CRACR2A: variants seen among roughly 807,000 people sequenced by gnomAD.
CRACR2A encodes calcium release activated channel regulator 2A, also known as EF-hand calcium-binding domain-containing protein 4B.
CRACR2A carries 79 observed loss-of-function variants against 90.5 expected under a neutral mutation model. The observed-to-expected ratio is 0.87, with a 90% CI of 0.73 to 1.05. The LOEUF is 1.05. Among genes scored for constraint, CRACR2A ranks in the 50% least tolerant of loss-of-function variants. The pLI is 0.00. For synonymous variants in CRACR2A, 338 were observed against 356.7 expected, an observed-to-expected ratio of 0.95 and a Z score of 0.59; for missense variants, 823 against 897.2, an observed-to-expected ratio of 0.92 and a Z score of 1.06.
At chr12:3,653,250 G>T (rs1298973085) in intron 10 of CRACR2A, among the ~76,000 whole-genome samples, 1 of 152,044 alleles carries the variant, frequency 6.6e-6, no homozygotes, top group Non-Finnish European at 1.5e-5. Flanking sequence ...CAAAGTGCTG[G>T]GATTACAGGC....
intron 3 of CRACR2A, among the ~76,000 whole-genome samples, chr12:3,707,344 T>C (rs1055029081): frequency 1.3e-5 from 2 of 152,248 alleles, no homozygotes; most frequent in African/African-American, 4.8e-5. Flanking sequence ...ACAACTATCA[T>C]TAAACAGCCC....
intron 15 of CRACR2A, 101 bp from the exon 16 acceptor site, chr12:3,627,807 C>A: frequency 8.2e-7 from 1 of 1,217,272 alleles, no homozygotes; most frequent in South Asian, 1.3e-5. Flanking sequence ...ACATCAGGCC[C>A]AAGGTGACAA....
chr12:3,648,761 T>G, intron 10 of CRACR2A, 148 bp from the exon 11 acceptor site: 1 of 1,135,678 alleles, frequency 8.8e-7, no homozygotes, highest in Non-Finnish European at 1.2e-6. Context: ...TCCTACAGTA[T>G]GCAAGTGCTT....
chr12:3,683,857 C>T (rs1441835342), intron 4 of CRACR2A, among the ~76,000 whole-genome samples: 1 of 152,220 alleles, frequency 6.6e-6, no homozygotes, highest in African/African-American at 2.4e-5. Context: ...CTCCTATGTA[C>T]AGAGTGCTGG....
chr12:3,691,849 A>T (rs942635185), intron 4 of CRACR2A, among the ~76,000 whole-genome samples: 1 of 152,140 alleles, frequency 6.6e-6, no homozygotes, highest in Admixed American at 6.5e-5. Flanking sequence ...ATTGATTCTC[A>T]TTCTTTTTTC....
intron 4 of CRACR2A, among the ~76,000 whole-genome samples, chr12:3,686,963 A>G (rs1256094023): frequency 1.3e-5 from 2 of 152,210 alleles, no homozygotes; most frequent in East Asian, 3.9e-4. Context: ...GGGTTTCTCC[A>G]GGTTTCTCAG....
At chr12:3,650,118 C>T (rs10848900) in intron 10 of CRACR2A, among the ~76,000 whole-genome samples, 49,319 of 152,010 alleles carry the variant, frequency 0.32, 9,151 homozygotes, top group Admixed American at 0.46. Context: ...GGGAGCATCT[C>T]GCAAGTTGAT....
At chr12:3,723,739 C>A (rs1476815077) in intron 2 of CRACR2A, among the ~76,000 whole-genome samples, 1 of 152,108 alleles carries the variant, frequency 6.6e-6, no homozygotes, top group Admixed American at 6.6e-5. Context: ...CCTGGAATGA[C>A]CTCCACCAGG....
At chr12:3,618,417 T>A (rs1347804695) in intron 18 of CRACR2A, among the ~76,000 whole-genome samples, 4 of 152,158 alleles carry the variant, frequency 2.6e-5, no homozygotes, top group Admixed American at 2.6e-4. Context: ...CTGGTCAGAT[T>A]TTTCTGCCAG....
intron 8 of CRACR2A, among the ~76,000 whole-genome samples, 173 bp downstream of exon 8, chr12:3,659,391 C>T (rs1160257215): frequency 6.6e-6 from 1 of 151,972 alleles, no homozygotes; most frequent in Admixed American, 6.6e-5. Context: ...TAAAAATAAA[C>T]AAGGATATTA....
chr12:3,686,102 G>T (rs928780013), intron 4 of CRACR2A, among the ~76,000 whole-genome samples: 1 of 152,202 alleles, frequency 6.6e-6, no homozygotes, highest in Non-Finnish European at 1.5e-5. Context: ...GCCTAGAGGG[G>T]TTAAGAGACA....
intron 3 of CRACR2A, among the ~76,000 whole-genome samples, chr12:3,702,372 C>G (rs1258927027): frequency 1.3e-5 from 2 of 151,980 alleles, no homozygotes; most frequent in Admixed American, 6.5e-5. Flanking sequence ...TGTCTTTATT[C>G]CCAGACAGCA....
chr12:3,643,667 A>T (rs1282343376), intron 12 of CRACR2A, among the ~76,000 whole-genome samples: 1 of 147,780 alleles, frequency 6.8e-6, no homozygotes, highest in Admixed American at 7.0e-5. Context: ...TAAATATAGG[A>T]TTTCATGTCG....
intron 17 of CRACR2A, among the ~76,000 whole-genome samples, chr12:3,622,305 A>G (rs1017355908): frequency 2.0e-5 from 3 of 152,052 alleles, no homozygotes; most frequent in African/African-American, 7.2e-5. Flanking sequence ...CAGGCACACA[A>G]TCTCTCTTTA....
chr12:3,640,785 T>C, intron 13 of CRACR2A: 1 of 1,305,426 alleles, frequency 7.7e-7, no homozygotes, highest in South Asian at 1.2e-5. Context: ...GCCATCTATG[T>C]GGACACAGCA....
chr12:3,697,595 C>T (rs1279342705), intron 3 of CRACR2A, among the ~76,000 whole-genome samples: 1 of 152,186 alleles, frequency 6.6e-6, no homozygotes, highest in Non-Finnish European at 1.5e-5. Flanking sequence ...TCAGTCCCAC[C>T]CTGTCCTGAC....
chr12:3,635,489 G>A (rs1158489583), intron 14 of CRACR2A, among the ~76,000 whole-genome samples: 1 of 152,098 alleles, frequency 6.6e-6, no homozygotes, highest in Non-Finnish European at 1.5e-5. Context: ...ATCCTGAAAT[G>A]GTCACTATTC....
intron 11 of CRACR2A, among the ~76,000 whole-genome samples, chr12:3,645,471 A>AT (rs1486732015): frequency 6.6e-6 from 1 of 151,796 alleles, no homozygotes; most frequent in Non-Finnish European, 1.5e-5. Flanking sequence ...ACGAACTTTG[A>AT]TTTTTACTCC....
At chr12:3,744,068 G>T (rs1407067581) in intron 1 of CRACR2A, among the ~76,000 whole-genome samples, 1 of 152,194 alleles carries the variant, frequency 6.6e-6, no homozygotes, top group Admixed American at 6.5e-5. Flanking sequence ...AGAGGGGACA[G>T]GAAAGCAAAA....
Sources: gnomAD v4.1 joint callset for allele counts (sites outside exome capture counted in the v4.1 genomes callset) on GRCh38, gnomAD v4.1.1 for gene constraint, MANE v1.5 for transcripts, NCBI Gene and HGNC (gene_info 2026-07-23, HGNC 2026-07-21) for gene names.